Variants in TNIP3 observed in about 807,000 individuals in gnomAD.
TNIP3 encodes TNFAIP3 interacting protein 3.
TNIP3 carries 34 observed loss-of-function variants against 54.1 expected under a neutral mutation model. That is an observed-to-expected ratio of 0.63 (90% CI 0.48 to 0.84). The LOEUF is 0.84. TNIP3 is among the 40% of genes least tolerant of loss of function. TNIP3 has a pLI of 0.00. For missense variants in TNIP3, 366 were observed against 387.6 expected (o/e 0.94, Z 0.47); for synonymous variants, 134 against 136.8 (o/e 0.98, Z 0.14).
chr4:121,204,097 G>A (rs1037123256), intron 2 of TNIP3, among the ~76,000 whole-genome samples: 6 of 151,744 alleles, frequency 4.0e-5, no homozygotes, highest in Non-Finnish European at 1.5e-5. Context: ...ATTTTAAATA[G>A]CCAAATAATA....
At chr4:121,154,719 A>G (rs1729980276) in intron 4 of TNIP3, 40 bp from the exon 5 acceptor site, 1 of 1,546,120 alleles carries the variant, frequency 6.5e-7, no homozygotes. Flanking sequence ...AAGTCAGTAC[A>G]AGTCAAATGA....
intron 4 of TNIP3, among the ~76,000 whole-genome samples, chr4:121,156,103 T>G (rs975443609): frequency 3.3e-5 from 5 of 152,212 alleles, no homozygotes; most frequent in Non-Finnish European, 7.4e-5. Flanking sequence ...GTTGCTAAAC[T>G]CTGTTTTCCT....
At chr4:121,208,181 C>A (rs955836707) in intron 2 of TNIP3, among the ~76,000 whole-genome samples, 3 of 152,132 alleles carry the variant, frequency 2.0e-5, no homozygotes, top group Non-Finnish European at 4.4e-5. Flanking sequence ...AATAAACCCC[C>A]TTCTACCTGG....
chr4:121,220,815 A>G (rs1388928667), upstream of TNIP3, among the ~76,000 whole-genome samples: 1 of 152,124 alleles, frequency 6.6e-6, no homozygotes, highest in Non-Finnish European at 1.5e-5. Context: ...TTACTGAGCG[A>G]ATGGACAGCA....
Position 121,161,034 on chromosome 4 carries a change from T to G in TNIP3, c.147+102A>C, listed in dbSNP as rs573111755. 8 of 921,206 alleles carry G rather than the reference T, an allele frequency of 8.7e-6. No homozygotes were observed. In the East Asian group the frequency reaches 1.8e-4, roughly 21 times the overall value. The allele number at this position is 921,206 out of a possible 1,614,324, so 57.1% of individuals were successfully genotyped here. ...AGTCCAGTATCTTAAAGATAAATAC[T>G]GTGACCTGATAACAAAAATAAAAGG... On this transcript the variant is annotated intron_variant, in intron 2 of 10. Transcript: ENST00000057513.
intron 4 of TNIP3, 106 bp downstream of exon 4, chr4:121,156,988 A>G: frequency 6.9e-7 from 1 of 1,453,682 alleles, no homozygotes; most frequent in South Asian, 1.2e-5. Context: ...GTCGTTGCTC[A>G]GTAGTGAGTT....
chr4:121,178,559 T>C (rs1724495184), intron 3 of TNIP3, among the ~76,000 whole-genome samples: 2 of 152,132 alleles, frequency 1.3e-5, no homozygotes, highest in Non-Finnish European at 2.9e-5. Flanking sequence ...ACAGCAAACT[T>C]TGAGAAACAA....
In TNIP3 at chr4:121,141,884, C is replaced by A; in HGVS notation, c.817G>T (p.Val273Phe). Residue 273 changes from valine (V) to phenylalanine (F), a missense_variant, in exon 9 of 11, where the codon GTT becomes TTT. Physicochemically the swap from Val to Phe is conservative, Grantham distance 50 (BLOSUM62 -1). Coordinates refer to ENST00000057513, the MANE Select transcript of TNIP3 (RefSeq NM_024873.6). ...ACCCATGGATCTTGCAGGTGGAAAA[C>A]CAAGCCGCAGTTACAGGGTGGGCAA... ...MYCPPCNCGL[V>F]FHLQDPWVPT... 1.3e-6 allele frequency: 2 copies of A among 1,599,064 alleles called. No homozygotes were observed. Among genetic ancestry groups the A allele is most frequent in the Non-Finnish European group, 1.7e-6 (2 of 1,172,868 alleles).
chr4:121,200,768 G>A (rs1342366447), intron 2 of TNIP3, among the ~76,000 whole-genome samples: 1 of 152,082 alleles, frequency 6.6e-6, no homozygotes, highest in African/African-American at 2.4e-5. Flanking sequence ...TCCTCAGAGA[G>A]CTTTTTGTTC....
chr4:121,159,259 A>AAAAAG (rs373510175), intron 2 of TNIP3, among the ~76,000 whole-genome samples: 38 of 152,318 alleles, frequency 2.5e-4, no homozygotes, highest in Non-Finnish European at 3.7e-4. Flanking sequence ...AGAAAAGAAA[A>AAAAAG]AAAAGAAAAG....
intron 5 of TNIP3, among the ~76,000 whole-genome samples, chr4:121,153,955 T>G (rs542004637): frequency 9.2e-5 from 14 of 152,204 alleles, no homozygotes; most frequent in African/African-American, 3.4e-4. Flanking sequence ...CTGAACTAGT[T>G]AGCGACCCAT....
chr4:121,174,211 T>G (rs1724163786), intron 3 of TNIP3, among the ~76,000 whole-genome samples: 1 of 152,124 alleles, frequency 6.6e-6, no homozygotes, highest in Admixed American at 6.5e-5. Flanking sequence ...TCTATAGATT[T>G]AGACACTATT....
At chr4:121,153,071 C>A (rs1729858597) in intron 5 of TNIP3, among the ~76,000 whole-genome samples, 1 of 152,138 alleles carries the variant, frequency 6.6e-6, no homozygotes, top group South Asian at 2.1e-4. Flanking sequence ...CCAGAAAAGT[C>A]ATCTTTGAGA....
rs1218565951 is a variant in TNIP3, at chr4:121,191,519, G to T, written c.69-8723C>A. 3.3e-5 allele frequency among the ~76,000 whole-genome samples: 5 copies of T among 152,188 alleles called. No individual in the cohort carries two copies. The East Asian group carries it at 9.6e-4, about 29-fold the overall frequency. On this transcript the variant is annotated intron_variant, in intron 2 of 12. Coordinates refer to the TNIP3 transcript ENST00000507879. ...TGTCTATGTTGCAAAATGAAGTAGA[G>T]TATATAAGTTATGTCTGATACATTC...
intron 2 of TNIP3, among the ~76,000 whole-genome samples, chr4:121,199,257 A>G (rs1725755587): frequency 6.6e-6 from 1 of 152,230 alleles, no homozygotes; most frequent in Non-Finnish European, 1.5e-5. Flanking sequence ...CCAGGAAGGG[A>G]TGGATGCTAG....
chr4:121,182,933 A>C, intron 2 of TNIP3: 135 of 855,882 alleles, frequency 1.6e-4, no homozygotes, highest in Non-Finnish European at 2.0e-4. Context: ...CTCTAATCTC[A>C]TTATGTTTTC....
intron 10 of TNIP3, 89 bp downstream of exon 10, chr4:121,138,535 T>A (rs1041420840): frequency 1.6e-6 from 2 of 1,252,726 alleles, no homozygotes; most frequent in Non-Finnish European, 2.3e-6. Context: ...CCTCCCCAAG[T>A]ACGAATGAAT....
At chr4:121,209,059 T>TA (rs1439124436) in intron 2 of TNIP3, among the ~76,000 whole-genome samples, 1 of 152,232 alleles carries the variant, frequency 6.6e-6, no homozygotes, top group Non-Finnish European at 1.5e-5. Context: ...TGTATGGATA[T>TA]AAATACTCTT....
Position 121,158,761 on chromosome 4 carries a change from A to G in TNIP3, c.148-9T>C. On this transcript the variant is annotated splice_polypyrimidine_tract_variant and intron_variant, in intron 2 of 10. Coordinates refer to ENST00000057513, the MANE Select transcript of TNIP3 (RefSeq NM_024873.6). ...TGGTTAACTTCCAGGAGCTGAAATC[A>G]TTAAAATTTGGTGAATCAACAAAGA... is the stretch of plus-strand genomic sequence containing the variant. 5 of 1,603,990 alleles carry G rather than the reference A, an allele frequency of 3.1e-6. No homozygotes were observed. The highest frequency in any genetic ancestry group is 4.2e-6 in the Non-Finnish European group (5 of 1,177,418).
Sources: gnomAD v4.1 joint callset for allele counts (sites outside exome capture counted in the v4.1 genomes callset) on GRCh38, gnomAD v4.1.1 for gene constraint, MANE v1.5 for transcripts, NCBI Gene and HGNC (gene_info 2026-07-23, HGNC 2026-07-21) for gene names.